PRRC2B: variants seen among roughly 807,000 people sequenced by gnomAD.
PRRC2B encodes the protein protein PRRC2B.
PRRC2B carries 68 observed loss-of-function variants against 242.3 expected under a neutral mutation model. The observed-to-expected ratio is 0.28, with a 90% CI of 0.23 to 0.34. The LOEUF (loss-of-function observed/expected upper bound fraction) is 0.34. PRRC2B is among the 10% of genes least tolerant of loss of function. PRRC2B has a pLI of 1.00. For synonymous variants in PRRC2B, 1,228 were observed against 1,173.6 expected, an observed-to-expected ratio of 1.05 and a Z score of -0.95; for missense variants, 2,835 against 2,954.8, an observed-to-expected ratio of 0.96 and a Z score of 0.94.
At chr9:131,379,707 C>T (rs1588232353) in intron 1 of PRRC2B, among the ~76,000 whole-genome samples, 1 of 147,858 alleles carries the variant, frequency 6.8e-6, no homozygotes, top group Non-Finnish European at 1.5e-5. Flanking sequence ...CTCACTACAA[C>T]CTCCGCCTCC....
At chr9:131,484,300 G>A (rs1247864151) in intron 23 of PRRC2B, among the ~76,000 whole-genome samples, 1 of 152,162 alleles carries the variant, frequency 6.6e-6, no homozygotes. Flanking sequence ...TTGTGTGCGG[G>A]CTGCCAGTCC....
intron 2 of PRRC2B, among the ~76,000 whole-genome samples, chr9:131,430,508 T>C (rs866837259): frequency 1.6e-5 from 1 of 62,280 alleles, no homozygotes; most frequent in East Asian, 2.6e-3. Flanking sequence ...TCTATAGATA[T>C]CTATAGATAG....
chr9:131,447,279 A>G (rs1308467480), intron 8 of PRRC2B, 73 bp downstream of exon 8: 1 of 1,573,128 alleles, frequency 6.4e-7, no homozygotes, highest in Non-Finnish European at 8.7e-7. Flanking sequence ...TGAGGGGCTG[A>G]TGAATAGAAG....
rs762857280 is a variant in PRRC2B at position 131,432,570 on chromosome 9, C to G, written c.116-47C>G. The G allele has an allele frequency of 4.5e-6, 7 of 1,565,862 alleles. No individual in the cohort carries two copies. In the Admixed American group the frequency reaches 5.4e-5, roughly 12 times the overall value. ...CTGAATGCATCAGGCTTCTTTCCTTCTGTGACCTTTTTGCATGGTGTCTGT... is the reference window on the plus strand; with the variant it reads ...CTGAATGCATCAGGCTTCTTTCCTTGTGTGACCTTTTTGCATGGTGTCTGT... On this transcript the variant is annotated intron_variant, in intron 2 of 31. Transcript: ENST00000683519.
Position 131,399,541 on chromosome 9 carries a change from T to G in PRRC2B, c.-52+5278T>G, listed in dbSNP as rs567903775. Among the ~76,000 whole-genome samples, 64 of 152,004 alleles carry G rather than the reference T, an allele frequency of 4.2e-4. 1 individual carries two copies. The highest frequency in any genetic ancestry group is 1.5e-3 in the African/African-American group (61 of 41,430). On this transcript the variant is annotated intron_variant, in intron 1 of 31. Transcript: ENST00000683519. ...TTGCAGTGAGCCGAGATCACGACAC[T>G]GCACTCTAGCCTGGGCCACAGAGCG...
intron 7 of PRRC2B, 81 bp from the exon 8 acceptor site, chr9:131,447,004 T>G: frequency 6.4e-7 from 1 of 1,573,184 alleles, no homozygotes; most frequent in Non-Finnish European, 8.7e-7. Flanking sequence ...TTTTCCACTT[T>G]ATAAAACACA....
intron 15 of PRRC2B, 24 bp from the exon 16 acceptor site, chr9:131,474,430 C>T (rs753040098): frequency 1.5e-5 from 24 of 1,582,794 alleles, no homozygotes; most frequent in Non-Finnish European, 1.9e-5. Context: ...ATCGCATTGA[C>T]TGATTTTTCT....
At chr9:131,472,164 A>G (rs1170956171) in intron 14 of PRRC2B, among the ~76,000 whole-genome samples, 1 of 151,980 alleles carries the variant, frequency 6.6e-6, no homozygotes, top group African/African-American at 2.4e-5. Flanking sequence ...TTTTGTTCCA[A>G]TTTTTACTGT....
At chr9:131,495,143 G>C (rs941106942) in intron 31 of PRRC2B, among the ~76,000 whole-genome samples, 1 of 151,894 alleles carries the variant, frequency 6.6e-6, no homozygotes, top group Non-Finnish European at 1.5e-5. Flanking sequence ...AGACCTGGTG[G>C]GGGGCAGATG....
chr9:131,467,990 A>G (rs1009005710), intron 13 of PRRC2B, among the ~76,000 whole-genome samples: 5 of 152,188 alleles, frequency 3.3e-5, no homozygotes, highest in Non-Finnish European at 7.4e-5. Flanking sequence ...GAATGAATAC[A>G]GTCTTTGTGG....
intron 12 of PRRC2B, among the ~76,000 whole-genome samples, 188 bp downstream of exon 12, chr9:131,465,266 T>C (rs904201147): frequency 6.6e-5 from 10 of 152,236 alleles, no homozygotes; most frequent in African/African-American, 2.4e-4. Flanking sequence ...TTTGAACTTC[T>C]TTTTTATAAT....
intron 1 of PRRC2B, among the ~76,000 whole-genome samples, chr9:131,409,160 T>A (rs1837442167): frequency 6.6e-6 from 1 of 151,836 alleles, no homozygotes; most frequent in South Asian, 2.1e-4. Flanking sequence ...GTAACTGAGA[T>A]TACAGGCATG....
chr9:131,488,175 CAG>C (rs1489010881), intron 28 of PRRC2B, 79 bp downstream of exon 28: 6 of 1,515,804 alleles, frequency 4.0e-6, no homozygotes, highest in Non-Finnish European at 4.4e-6. Context: ...ACCCGCCTCT[CAG>C]TGTGTGCTGG....
In PRRC2B at chr9:131,482,795, C is replaced by T. The variant is rs1030723549; in HGVS notation, c.5261C>T (p.Ser1754Leu). 10 of 1,610,314 alleles carry T rather than the reference C, an allele frequency of 6.2e-6. No individual in the cohort carries two copies. The highest frequency in any genetic ancestry group is 2.2e-5 in the East Asian group (1 of 44,758). ...NERSLKNRKGSEGAERLQGAV... is the reference protein window; with the variant it reads ...NERSLKNRKGLEGAERLQGAV... ...CGTTCTCTGAAAAACAGAAAGGGCT[C>T]GGAGGGGGCCGAGCGGCTGCAAGGG... is the stretch of plus-strand genomic sequence containing the variant. Residue 1754 changes from serine (S) to leucine (L), a missense_variant, in exon 22 of 32, where the codon TCG becomes TTG. Ser to Leu is a moderately radical substitution (Grantham distance 145). Transcript: ENST00000683519. This position sits in a 1 kb window ranked among gnomAD's most constrained non-coding sequence, Gnocchi z 5.2.
chr9:131,404,272 G>A (rs1837304993), intron 1 of PRRC2B, among the ~76,000 whole-genome samples: 1 of 148,730 alleles, frequency 6.7e-6, no homozygotes, highest in Non-Finnish European at 1.5e-5. Context: ...TGCCCAGGAA[G>A]GCAATGGCGT....
chr9:131,457,923 C>T (rs1276756648), intron 10 of PRRC2B, among the ~76,000 whole-genome samples: 5 of 152,158 alleles, frequency 3.3e-5, no homozygotes, highest in South Asian at 4.1e-4. Flanking sequence ...TCGCCACGTA[C>T]GTGTGTGGGT....
rs1943924930 is a variant in PRRC2B, at chr9:131,483,304, G to T, written c.5374-55G>T. The T allele has an allele frequency of 5.3e-6, 8 of 1,500,010 alleles. No homozygotes were observed. The Admixed American group carries it at 1.3e-4, about 25-fold the overall frequency. The allele number at this position is 1,500,010 out of a possible 1,614,324, so 92.9% of individuals were successfully genotyped here. ...CATCACGTTAATGTATGCCTCTGGG[G>T]AATGTAGGGCCAGGAGGATCTCAGT... is the stretch of plus-strand genomic sequence containing the variant. On this transcript the variant is annotated intron_variant, in intron 22 of 31. Coordinates refer to ENST00000683519, the MANE Select transcript of PRRC2B (RefSeq NM_013318.4).
At chr9:131,432,228 A>C (rs948587013) in intron 2 of PRRC2B, among the ~76,000 whole-genome samples, 3 of 152,162 alleles carry the variant, frequency 2.0e-5, no homozygotes, top group African/African-American at 7.2e-5. Context: ...TTTTGGATCT[A>C]GGCAGAGGCT....
intron 1 of PRRC2B, among the ~76,000 whole-genome samples, chr9:131,399,860 G>A (rs1241009118): frequency 3.3e-5 from 5 of 152,012 alleles, no homozygotes; most frequent in African/African-American, 7.3e-5. Flanking sequence ...TCCTGTATTC[G>A]TAGACATTTA....
Sources: gnomAD v4.1 joint callset for allele counts (sites outside exome capture counted in the v4.1 genomes callset) on GRCh38, gnomAD v4.1.1 for gene constraint, Gnocchi (gnomAD v3.1) non-coding constraint, MANE v1.5 for transcripts, NCBI Gene and HGNC (gene_info 2026-07-23, HGNC 2026-07-21) for gene names.